Variants in NCOA1 observed in about 807,000 individuals in gnomAD.
NCOA1 encodes Hin-2 protein.
A neutral mutation model predicts 150.9 loss-of-function variants in NCOA1; 35 were observed. That is an observed-to-expected ratio of 0.23 (90% CI 0.18 to 0.31). NCOA1 has a LOEUF of 0.31. Among genes scored for constraint, NCOA1 ranks in the 10% least tolerant of loss-of-function variants. The pLI, the probability that NCOA1 is intolerant of heterozygous loss-of-function variation, is 1.00. For missense variants in NCOA1, 1,491 were observed against 1,749.3 expected (o/e 0.85, Z 2.63); for synonymous variants, 590 against 630.0 (o/e 0.94, Z 0.95).
rs919263741 is a variant in NCOA1 at position 24,491,436 on chromosome 2, G to C, written c.-562G>C. Among the ~76,000 whole-genome samples, 1 of 113,656 alleles carries C rather than the reference G, an allele frequency of 8.8e-6. No homozygotes were observed. The highest frequency in any genetic ancestry group is 1.7e-5 in the Non-Finnish European group (1 of 58,166). 74.6% of individuals were successfully genotyped at this position (113,656 alleles called of 152,430 possible). Reference sequence around the variant, plus strand: ...TGCTGCTCCCTCGAGCGGAGCCTGCGTCAGGTTCCCTCTGCATCCCCCTGC... The same window carrying C: ...TGCTGCTCCCTCGAGCGGAGCCTGCCTCAGGTTCCCTCTGCATCCCCCTGC... On this transcript the variant is annotated 5_prime_UTR_variant, in exon 1 of 23. Transcript: ENST00000348332.
At chr2:24,548,084 T>C (rs1017565014) in intron 1 of NCOA1, among the ~76,000 whole-genome samples, 5 of 151,834 alleles carry the variant, frequency 3.3e-5, no homozygotes, top group African/African-American at 9.7e-5. Context: ...TATGAAACTG[T>C]ATAGTATTGT....
intron 3 of NCOA1, among the ~76,000 whole-genome samples, chr2:24,598,758 C>CT (rs891314160): frequency 4.6e-5 from 7 of 151,734 alleles, no homozygotes; most frequent in East Asian, 3.9e-4. Flanking sequence ...TTACATTTTT[C>CT]TTTTTTTTAA....
chr2:24,503,697 C>T (rs1663562839), intron 1 of NCOA1, among the ~76,000 whole-genome samples: 1 of 150,456 alleles, frequency 6.6e-6, no homozygotes, highest in South Asian at 2.1e-4. Flanking sequence ...TATTTCTTCA[C>T]TCACGTGAAA....
chr2:24,548,697 A>T (rs895300716), intron 1 of NCOA1, among the ~76,000 whole-genome samples: 1 of 152,226 alleles, frequency 6.6e-6, no homozygotes, highest in African/African-American at 2.4e-5. Flanking sequence ...CAAAGGGGCT[A>T]CAGGTCCCAA....
intron 4 of NCOA1, among the ~76,000 whole-genome samples, chr2:24,654,462 A>T (rs1670836786): frequency 2.0e-5 from 3 of 152,220 alleles, no homozygotes; most frequent in African/African-American, 7.2e-5. Context: ...GTTTAATTTG[A>T]GGTGACAGTG....
intron 3 of NCOA1, among the ~76,000 whole-genome samples, chr2:24,626,330 G>C (rs548352366): frequency 6.6e-6 from 1 of 152,316 alleles, no homozygotes; most frequent in East Asian, 1.9e-4. Flanking sequence ...TGCATAGGCA[G>C]ACCAGGGATA....
chr2:24,756,071 T>TAAAAAAAAAAAAA (rs369987098), intron 20 of NCOA1, among the ~76,000 whole-genome samples: 1 of 108,218 alleles, frequency 9.2e-6, no homozygotes, highest in African/African-American at 3.9e-5. Context: ...CCATCTCTAC[T>TAAAAAAAAAAAAA]AAAAAAAAAA....
chr2:24,515,707 A>AGGG (rs924158462), intron 1 of NCOA1, among the ~76,000 whole-genome samples: 1 of 152,182 alleles, frequency 6.6e-6, no homozygotes, highest in Non-Finnish European at 1.5e-5. Context: ...TATGGAAACT[A>AGGG]GGGGGAAATG....
At position 24,686,600 on chromosome 2, in the gene NCOA1, A is replaced by G. The variant is rs547413390; in HGVS notation, c.532+3472A>G. 7.2e-5 allele frequency among the ~76,000 whole-genome samples: 11 copies of G among 152,304 alleles called. 1 individual carries two copies. The South Asian group carries it at 1.4e-3, about 20-fold the overall frequency. On this transcript the variant is annotated intron_variant, in intron 8 of 22. Coordinates refer to ENST00000348332, the MANE Select transcript of NCOA1 (RefSeq NM_003743.5). The stretch of plus-strand genomic sequence containing the variant: ...CTATCCTCTTATTTCCATTCCACAG[A>G]GTATTCAGGACCTTATGTGAGTGAT...
chr2:24,680,305 C>T (rs901655805), intron 7 of NCOA1, among the ~76,000 whole-genome samples: 6 of 152,042 alleles, frequency 3.9e-5, no homozygotes, highest in African/African-American at 1.5e-4. Flanking sequence ...GATATCTCAT[C>T]GTGGTTTTAA....
intron 22 of NCOA1, among the ~76,000 whole-genome samples, chr2:24,764,400 A>G (rs1188696410): frequency 6.6e-6 from 1 of 152,224 alleles, no homozygotes; most frequent in Non-Finnish European, 1.5e-5. Context: ...CATTCAAAGA[A>G]AGGAGAATTT....
chr2:24,762,773 C>A lies in NCOA1; in HGVS notation c.4152C>A (p.Thr1384=), dbSNP rs747643146. The A allele has an allele frequency of 1.2e-6, 2 of 1,613,156 alleles. 1 individual carries two copies. Among genetic ancestry groups the A allele is most frequent in the South Asian group, 2.2e-5 (2 of 91,054 alleles). The change falls in exon 22 of 23, where the codon ACC becomes ACA. Residue 1384 remains threonine, a synonymous_variant. Transcript: ENST00000348332. ...TDLLKTEADG[T]QQVQQVQVFA... ...TTCTCAAAACAGAAGCAGATGGAAC[C>A]CAGGTCAGTAAGGAAATTCTAAGCC...
chr2:24,758,199 G>A, intron 21 of NCOA1, 43 bp downstream of exon 21: 1 of 1,506,958 alleles, frequency 6.6e-7, no homozygotes, highest in Non-Finnish European at 9.0e-7. Context: ...CCACATCACA[G>A]TTAATTCTGA....
intron 7 of NCOA1, among the ~76,000 whole-genome samples, chr2:24,678,522 C>T (rs2148531128): frequency 6.6e-6 from 1 of 152,292 alleles, no homozygotes; most frequent in East Asian, 1.9e-4. Flanking sequence ...AAAAGCATTC[C>T]TTTTTCTCTG....
intron 1 of NCOA1, among the ~76,000 whole-genome samples, chr2:24,550,133 TACA>T (rs1383265345): frequency 2.6e-5 from 4 of 152,190 alleles, no homozygotes; most frequent in Admixed American, 2.6e-4. Flanking sequence ...GTCAAAGCCA[TACA>T]ACAAGTCTCT....
At chr2:24,615,381 T>C (rs1386927577) in intron 3 of NCOA1, among the ~76,000 whole-genome samples, 1 of 152,162 alleles carries the variant, frequency 6.6e-6, no homozygotes, top group Non-Finnish European at 1.5e-5. Flanking sequence ...GATAACTATT[T>C]TTACTTCATG....
At chr2:24,584,166 A>G (rs2148316358) in intron 2 of NCOA1, among the ~76,000 whole-genome samples, 1 of 152,270 alleles carries the variant, frequency 6.6e-6, no homozygotes, top group South Asian at 2.1e-4. Context: ...AAATATAGTT[A>G]CTAAATGTCA....
chr2:24,720,939 G>A (rs762959038), intron 14 of NCOA1, among the ~76,000 whole-genome samples: 2 of 152,044 alleles, frequency 1.3e-5, no homozygotes, highest in Admixed American at 6.5e-5. Context: ...ACTGTGTCAC[G>A]TACAAATATC....
intron 3 of NCOA1, among the ~76,000 whole-genome samples, chr2:24,593,299 C>T (rs575625805): frequency 1.3e-5 from 2 of 152,072 alleles, no homozygotes; most frequent in East Asian, 3.9e-4. Flanking sequence ...ATCAGTCTAC[C>T]CTGGACTGGA....
Sources: gnomAD v4.1 joint callset for allele counts (sites outside exome capture counted in the v4.1 genomes callset) on GRCh38, gnomAD v4.1.1 for gene constraint, MANE v1.5 for transcripts, NCBI Gene and HGNC (gene_info 2026-07-23, HGNC 2026-07-21) for gene names.